TRPM3: variants seen among roughly 807,000 people sequenced by gnomAD.
The protein encoded by TRPM3 is long transient receptor potential channel 3.
A neutral mutation model predicts 181.2 loss-of-function variants in TRPM3; 77 were observed. The ratio of observed to expected loss-of-function variants is 0.42; its 90% confidence interval spans 0.35 to 0.51. TRPM3 has a LOEUF of 0.51. TRPM3 is among the 20% of genes least tolerant of loss of function. TRPM3 has a pLI of 0.01. For missense variants in TRPM3, 1,759 were observed against 2,196.7 expected (o/e 0.80, Z 3.98); for synonymous variants, 745 against 796.4 (o/e 0.94, Z 1.09).
chr9:70,903,319 G>C (rs1195088860), intron 1 of TRPM3, among the ~76,000 whole-genome samples: 17 of 152,166 alleles, frequency 1.1e-4, no homozygotes, highest in Non-Finnish European at 1.6e-4. Context: ...ATGAGAGTTG[G>C]GACATTAATA....
chr9:71,430,953 TA>T (rs1310306112), intron 1 of TRPM3, among the ~76,000 whole-genome samples: 1 of 152,206 alleles, frequency 6.6e-6, no homozygotes, highest in Non-Finnish European at 1.5e-5. Flanking sequence ...GTAGGAAGCA[TA>T]AAACATAAAT....
At chr9:71,124,612 G>A (rs541095321), upstream of TRPM3, among the ~76,000 whole-genome samples, 7 of 152,054 alleles carry the variant, frequency 4.6e-5, no homozygotes, top group South Asian at 2.1e-4. Context: ...TAAATGATAC[G>A]AAACCAAAGA....
At chr9:70,864,342 T>C (rs2095592309) in intron 2 of TRPM3, 90 bp downstream of exon 2, 1 of 832,396 alleles carries the variant, frequency 1.2e-6, no homozygotes, top group South Asian at 2.5e-5. Context: ...AATTTGACAG[T>C]GTTTCCCTTG....
chr9:71,370,068 A>G (rs2092462312), intron 1 of TRPM3, among the ~76,000 whole-genome samples: 1 of 152,194 alleles, frequency 6.6e-6, no homozygotes, highest in South Asian at 2.1e-4. Flanking sequence ...AACATGATGA[A>G]GTTAATTGAT....
At chr9:71,221,498 AT>A (rs1475505954) in intron 1 of TRPM3, among the ~76,000 whole-genome samples, 7 of 152,224 alleles carry the variant, frequency 4.6e-5, no homozygotes, top group Non-Finnish European at 1.0e-4. Context: ...TTTAAAAAAA[AT>A]AATTCTTTTT....
chr9:71,446,497 C>G (rs557135632), intron 1 of TRPM3, among the ~76,000 whole-genome samples: 1 of 152,326 alleles, frequency 6.6e-6, no homozygotes, highest in Admixed American at 6.5e-5. Context: ...CTCGCCCTTC[C>G]TCACAGCCCC....
intron 6 of TRPM3, among the ~76,000 whole-genome samples, chr9:70,785,641 G>A (rs769644208): frequency 5.9e-5 from 9 of 152,052 alleles, no homozygotes; most frequent in African/African-American, 1.2e-4. Context: ...CTGCTTCCCC[G>A]TAATGAGTAA....
chr9:70,693,838 C>A (rs1398002845), intron 8 of TRPM3, among the ~76,000 whole-genome samples: 4 of 152,230 alleles, frequency 2.6e-5, no homozygotes, highest in Non-Finnish European at 5.9e-5. Flanking sequence ...TGAATCAGAA[C>A]CAGCGAAAGG....
intron 1 of TRPM3, among the ~76,000 whole-genome samples, chr9:71,028,545 T>C (rs2056871651): frequency 6.6e-6 from 1 of 151,132 alleles, no homozygotes; most frequent in African/African-American, 2.4e-5. Flanking sequence ...CAAAACCTAG[T>C]GATATGCTAT....
rs143356729 is a variant in TRPM3 at position 70,530,801 on chromosome 9, A to G, written c.*5152T>C. ...TATCCAACTTGTAAAAAGAAGAGAAAGCTTAGGTCAATGCAGGCTGAGAGG... is the reference window on the plus strand; with the variant it reads ...TATCCAACTTGTAAAAAGAAGAGAAGGCTTAGGTCAATGCAGGCTGAGAGG... On this transcript the variant is annotated 3_prime_UTR_variant, in exon 26 of 26. Coordinates refer to ENST00000677713, the MANE Select transcript of TRPM3 (RefSeq NM_001366145.2). The G allele has an allele frequency of 6.6e-6, 1 of 152,360 alleles. No homozygotes were observed. Among genetic ancestry groups the G allele is most frequent in the African/African-American group, 2.4e-5 (1 of 41,588 alleles). 9.4% of individuals were successfully genotyped at this position (152,360 alleles called of 1,614,324 possible). A position where few individuals can be genotyped will look rare whatever the true frequency, so the allele number is the denominator to read the frequency against.
At chr9:70,844,153 G>C (rs1336078275) in intron 4 of TRPM3, among the ~76,000 whole-genome samples, 1 of 152,136 alleles carries the variant, frequency 6.6e-6, no homozygotes, top group Non-Finnish European at 1.5e-5. Flanking sequence ...CTACACCTCA[G>C]GGGCTAGCCT....
At chr9:70,582,225 T>C (rs1480041663) in intron 22 of TRPM3, among the ~76,000 whole-genome samples, 1 of 151,614 alleles carries the variant, frequency 6.6e-6, no homozygotes, top group Non-Finnish European at 1.5e-5. Context: ...GAATCCATGA[T>C]CACTACATTT....
intron 5 of TRPM3, among the ~76,000 whole-genome samples, chr9:70,841,719 C>CATATATAT (rs142313712): frequency 3.7e-5 from 5 of 133,764 alleles, no homozygotes; most frequent in African/African-American, 1.4e-4. Flanking sequence ...TATCTCCCAC[C>CATATATAT]ATATATATAT....
At chr9:71,058,621 G>A (rs1434572884) in intron 1 of TRPM3, among the ~76,000 whole-genome samples, 2 of 151,952 alleles carry the variant, frequency 1.3e-5, no homozygotes, top group Non-Finnish European at 2.9e-5. Context: ...CAAATTTCTA[G>A]AGTCATCTTT....
At chr9:71,355,865 T>C (rs1171853465) in intron 1 of TRPM3, among the ~76,000 whole-genome samples, 1 of 151,990 alleles carries the variant, frequency 6.6e-6, no homozygotes, top group Admixed American at 6.6e-5. Context: ...GATTAAATTA[T>C]ATCCCTTAAA....
intron 25 of TRPM3, among the ~76,000 whole-genome samples, chr9:70,544,478 T>C (rs1472819628): frequency 6.6e-6 from 1 of 152,070 alleles, no homozygotes; most frequent in African/African-American, 2.4e-5. Context: ...CCTGGAGAAA[T>C]GTGAATACTT....
chr9:70,560,098 G>C (rs2048698803), intron 22 of TRPM3, among the ~76,000 whole-genome samples: 1 of 152,094 alleles, frequency 6.6e-6, no homozygotes, highest in Non-Finnish European at 1.5e-5. Flanking sequence ...CTCCATGCTG[G>C]GCACATTACA....
chr9:71,275,573 A>G (rs949736544), intron 1 of TRPM3, among the ~76,000 whole-genome samples: 7 of 152,110 alleles, frequency 4.6e-5, no homozygotes, highest in African/African-American at 2.4e-5. Context: ...TGCTTCTATA[A>G]TATGTAGGGA....
intron 1 of TRPM3, among the ~76,000 whole-genome samples, chr9:70,898,882 C>A (rs2096339505): frequency 6.6e-6 from 1 of 152,096 alleles, no homozygotes; most frequent in Non-Finnish European, 1.5e-5. Flanking sequence ...CTGAACTAGT[C>A]TTTTGAACCT....
Sources: gnomAD v4.1 joint callset for allele counts (sites outside exome capture counted in the v4.1 genomes callset) on GRCh38, gnomAD v4.1.1 for gene constraint, MANE v1.5 for transcripts, NCBI Gene and HGNC (gene_info 2026-07-23, HGNC 2026-07-21) for gene names.